The following GLDC variants were observed in gnomAD, a reference collection of about 807,000 sequenced individuals.
GLDC encodes the protein glycine dehydrogenase (decarboxylating), mitochondrial.
A neutral mutation model predicts 121.3 loss-of-function variants in GLDC; 104 were observed. The observed-to-expected ratio is 0.86, with a 90% CI of 0.73 to 1.01. GLDC has a LOEUF of 1.01. Ranked by LOEUF, GLDC falls within the 50% of genes least tolerant of loss-of-function variation. The probability of loss-of-function intolerance (pLI) is 0.00; values close to 1 mark genes in which losing one functional copy is unlikely to be tolerated. For missense variants in GLDC, 1,429 were observed against 1,306.6 expected, an observed-to-expected ratio of 1.09 and a Z score of -1.44; for synonymous variants, 546 against 480.6, an observed-to-expected ratio of 1.14 and a Z score of -1.78.
At chr9:6,553,119 C>G (rs1017019916) in intron 20 of GLDC, among the ~76,000 whole-genome samples, 10 of 152,106 alleles carry the variant, frequency 6.6e-5, no homozygotes, top group Non-Finnish European at 1.5e-4. Flanking sequence ...TCTGATGTTT[C>G]AGTTTCTCTG....
chr9:6,612,172 TACACAC>T (rs33971598), intron 3 of GLDC, among the ~76,000 whole-genome samples: 1 of 150,958 alleles, frequency 6.6e-6, no homozygotes, highest in Non-Finnish European at 1.5e-5. Context: ...TTCTGTTGTA[TACACAC>T]ACACACACTC....
At chr9:6,636,262 C>A (rs1819499739) in intron 2 of GLDC, among the ~76,000 whole-genome samples, 1 of 151,730 alleles carries the variant, frequency 6.6e-6, no homozygotes, top group Non-Finnish European at 1.5e-5. Flanking sequence ...TGAGATCGTG[C>A]CACTGTACTC....
intron 5 of GLDC, 196 bp from the exon 6 acceptor site, chr9:6,605,474 C>G: frequency 1.6e-6 from 1 of 638,458 alleles, no homozygotes. Flanking sequence ...AACAGCTCTG[C>G]TTCTGTTCCT....
intron 16 of GLDC, among the ~76,000 whole-genome samples, chr9:6,563,559 G>T (rs898183702): frequency 1.3e-5 from 2 of 152,164 alleles, no homozygotes; most frequent in African/African-American, 4.8e-5. Flanking sequence ...AGAGAATCTG[G>T]CATTGTTTTA....
intron 11 of GLDC, among the ~76,000 whole-genome samples, chr9:6,590,293 C>G (rs1041173830): frequency 1.3e-5 from 2 of 151,620 alleles, no homozygotes; most frequent in African/African-American, 2.4e-5. Flanking sequence ...GATTTAATAT[C>G]CAGAATATAT....
At chr9:6,556,093 T>G in intron 18 of GLDC, 60 bp downstream of exon 18, 1 of 1,470,112 alleles carries the variant, frequency 6.8e-7, no homozygotes, top group Non-Finnish European at 9.5e-7. Context: ...AGAATTTTTT[T>G]TTTTTTCCAC....
intron 9 of GLDC, 36 bp from the exon 10 acceptor site, chr9:6,593,026 A>C (rs1206542068): frequency 6.2e-7 from 1 of 1,610,186 alleles, no homozygotes; most frequent in Non-Finnish European, 8.5e-7. Context: ...ACTCTCATAT[A>C]GAAACCTGCT....
chr9:6,574,639 G>A (rs1016917978), intron 15 of GLDC, among the ~76,000 whole-genome samples: 1 of 152,106 alleles, frequency 6.6e-6, no homozygotes, highest in Non-Finnish European at 1.5e-5. Flanking sequence ...AGGAAATTGG[G>A]AAAGAGGAGT....
rs535396587 is a variant in GLDC at position 6,551,111 on chromosome 9, T to A, written c.2458-197A>T. On this transcript the variant is annotated intron_variant, in intron 20 of 24. Coordinates refer to ENST00000321612, the MANE Select transcript of GLDC (RefSeq NM_000170.3). ...GTAAGCCTGTAATACATTTTTGTTT[T>A]CTTCTTTTAATAGTAGTTTTACGTT... Among the ~76,000 whole-genome samples the A allele has an allele frequency of 3.3e-5, 5 of 152,372 alleles. 1 individual carries two copies. In the South Asian group the frequency reaches 1.0e-3, roughly 32 times the overall value.
At chr9:6,566,803 A>T (rs1463447698) in intron 15 of GLDC, among the ~76,000 whole-genome samples, 1 of 152,274 alleles carries the variant, frequency 6.6e-6, no homozygotes, top group Non-Finnish European at 1.5e-5. Context: ...ATGAAAATTT[A>T]AAAATAAAAT....
chr9:6,626,453 ATTTT>A (rs1819239961), intron 2 of GLDC, among the ~76,000 whole-genome samples: 1 of 152,210 alleles, frequency 6.6e-6, no homozygotes, highest in South Asian at 2.1e-4. Flanking sequence ...ATGGTAGTTT[ATTTT>A]TTCACTTGAC....
chr9:6,645,677 A>G lies in GLDC; in HGVS notation c.-178T>C. 1 of 373,306 alleles carries G rather than the reference A, an allele frequency of 2.7e-6. No individual in the cohort carries two copies. The highest frequency in any genetic ancestry group is 4.4e-6 in the Non-Finnish European group (1 of 227,514). 23.1% of individuals were successfully genotyped at this position (373,306 alleles called of 1,614,324 possible). A position where few individuals can be genotyped will look rare whatever the true frequency, so the allele number is the denominator to read the frequency against. On this transcript the variant is annotated 5_prime_UTR_variant, in exon 1 of 25. Coordinates refer to ENST00000321612, the MANE Select transcript of GLDC (RefSeq NM_000170.3). ...AATGAATGGGCGCTGCGCTCAACCA[A>G]GACACTCGCGCAAAGTTGTGGCTCC...
chr9:6,543,799 C>T (rs1319879389), intron 21 of GLDC, among the ~76,000 whole-genome samples: 1 of 151,846 alleles, frequency 6.6e-6, no homozygotes, highest in Non-Finnish European at 1.5e-5. Flanking sequence ...CACTCAGCAC[C>T]AACTTTTCGT....
intron 9 of GLDC, among the ~76,000 whole-genome samples, chr9:6,594,756 A>AAAGC (rs897248420): frequency 1.3e-5 from 2 of 152,008 alleles, no homozygotes; most frequent in Admixed American, 6.6e-5. Flanking sequence ...AGCAAGCAAG[A>AAAGC]AAGCAAGCAA....
chr9:6,574,848 CA>C (rs1818033111), intron 15 of GLDC, among the ~76,000 whole-genome samples: 2 of 152,116 alleles, frequency 1.3e-5, no homozygotes, highest in South Asian at 4.2e-4. Context: ...TGATGTCAAC[CA>C]TGAGCTCAGG....
At chr9:6,553,556 T>C in intron 19 of GLDC, 47 bp from the exon 20 acceptor site, 1 of 1,592,114 alleles carries the variant, frequency 6.3e-7, no homozygotes, top group Non-Finnish European at 8.6e-7. Context: ...ACGATTCAGT[T>C]TAATCTAATG....
At chr9:6,584,404 G>A (rs915353056) in intron 15 of GLDC, among the ~76,000 whole-genome samples, 3 of 152,242 alleles carry the variant, frequency 2.0e-5, no homozygotes, top group Middle Eastern at 3.4e-3. Context: ...GATTTCACTG[G>A]ACTCTAGCCA....
At chr9:6,619,861 A>C (rs1317356661) in intron 3 of GLDC, among the ~76,000 whole-genome samples, 1 of 152,204 alleles carries the variant, frequency 6.6e-6, no homozygotes, top group African/African-American at 2.4e-5. Context: ...TAAAGGCCTG[A>C]ATCTGCCCAC....
chr9:6,595,262 A>G (rs1466781605), intron 8 of GLDC, 143 bp from the exon 9 acceptor site: 4 of 731,462 alleles, frequency 5.5e-6, no homozygotes, highest in Non-Finnish European at 7.4e-6. Flanking sequence ...AGTTGGGGAC[A>G]ATTAATATAT....
Sources: allele counts gnomAD v4.1 joint callset (sites outside exome capture counted in the v4.1 genomes callset), GRCh38; gene constraint gnomAD v4.1.1; transcripts MANE v1.5; gene names NCBI Gene and HGNC (gene_info 2026-07-23, HGNC 2026-07-21).